EYS: variants seen among roughly 807,000 people sequenced by gnomAD.
EYS encodes the protein protein eyes shut homolog.
Under a neutral mutation model 282.1 loss-of-function variants are expected in EYS, and 250 were observed. The ratio of observed to expected loss-of-function variants is 0.89; its 90% CI spans 0.80 to 0.98. The LOEUF (loss-of-function observed/expected upper bound fraction) is 0.98, where lower values mean the gene tolerates loss of function less well. Ranked by LOEUF, EYS falls within the 50% of genes least tolerant of loss-of-function variation. EYS has a pLI of 0.00. For missense variants in EYS, 4,016 were observed against 3,709.0 expected (o/e 1.08, Z -2.15); for synonymous variants, 1,355 against 1,282.9 (o/e 1.06, Z -1.20).
chr6:64,472,827 TC>T, intron 26 of EYS, among the ~76,000 whole-genome samples: 1 of 152,260 alleles, frequency 6.6e-6, no homozygotes, highest in African/African-American at 2.4e-5. Context: ...TGTAATGACA[TC>T]CTTTAATAAT....
intron 12 of EYS, among the ~76,000 whole-genome samples, chr6:65,177,985 G>A (rs1446165194): frequency 5.9e-5 from 9 of 151,764 alleles, no homozygotes; most frequent in Admixed American, 5.9e-4. Flanking sequence ...ACTTTTGTGG[G>A]GCACTAAGGA....
intron 19 of EYS, among the ~76,000 whole-genome samples, chr6:64,828,876 G>T (rs571787828): frequency 2.6e-5 from 4 of 151,948 alleles, no homozygotes; most frequent in Non-Finnish European, 5.9e-5. Context: ...TTCATGGATG[G>T]GTTGACTTGG....
chr6:64,528,853 T>C (rs1329112224), intron 26 of EYS, among the ~76,000 whole-genome samples: 1 of 152,054 alleles, frequency 6.6e-6, no homozygotes, highest in Non-Finnish European at 1.5e-5. Flanking sequence ...GTGAAAATCT[T>C]ACAACGCTGC....
intron 16 of EYS, among the ~76,000 whole-genome samples, chr6:64,906,696 T>A (rs1291734861): frequency 1.3e-5 from 2 of 152,204 alleles, no homozygotes; most frequent in Admixed American, 6.5e-5. Flanking sequence ...GAGGCATCTT[T>A]GCCACATTTT....
chr6:63,816,539 G>A (rs1298181306), intron 36 of EYS, among the ~76,000 whole-genome samples: 2 of 152,172 alleles, frequency 1.3e-5, no homozygotes, highest in African/African-American at 4.8e-5. Flanking sequence ...AGGAACATAG[G>A]TAGCTCAAAT....
At chr6:64,265,901 A>G (rs1767741913) in intron 30 of EYS, among the ~76,000 whole-genome samples, 1 of 152,116 alleles carries the variant, frequency 6.6e-6, no homozygotes, top group Non-Finnish European at 1.5e-5. Flanking sequence ...TTATGACCAT[A>G]TCTTTGCTCT....
chr6:64,082,701 C>G (rs186364496), intron 31 of EYS, among the ~76,000 whole-genome samples: 15 of 151,964 alleles, frequency 9.9e-5, no homozygotes, highest in African/African-American at 3.6e-4. Flanking sequence ...CTATAATATG[C>G]AAGGTTATTA....
intron 21 of EYS, among the ~76,000 whole-genome samples, chr6:64,816,690 G>A (rs549723736): frequency 1.3e-5 from 2 of 152,146 alleles, no homozygotes; most frequent in South Asian, 4.1e-4. Context: ...GAACAAATAC[G>A]TAGGAAAATA....
chr6:64,622,664 A>T (rs575841983), intron 23 of EYS, among the ~76,000 whole-genome samples: 1 of 152,280 alleles, frequency 6.6e-6, no homozygotes, highest in South Asian at 2.1e-4. Context: ...GAGTATTTTG[A>T]TAATTAGCAA....
intron 31 of EYS, among the ~76,000 whole-genome samples, chr6:64,217,504 G>A (rs901480169): frequency 1.1e-4 from 16 of 151,932 alleles, no homozygotes; most frequent in African/African-American, 3.4e-4. Flanking sequence ...ACTGCAGCCC[G>A]AGTGACAGAG....
intron 31 of EYS, among the ~76,000 whole-genome samples, chr6:64,117,849 CA>C (rs1773442367): frequency 6.6e-6 from 1 of 151,918 alleles, no homozygotes; most frequent in Non-Finnish European, 1.5e-5. Context: ...ATGATAAATG[CA>C]GTAAAGTTTT....
intron 1 of EYS, among the ~76,000 whole-genome samples, chr6:65,699,564 G>A (rs1034795437): frequency 6.6e-6 from 1 of 152,162 alleles, no homozygotes; most frequent in African/African-American, 2.4e-5. Context: ...AACATGTATA[G>A]TAGCTGCAGA....
intron 35 of EYS, among the ~76,000 whole-genome samples, chr6:63,915,017 C>A (rs1054248316): frequency 1.3e-5 from 2 of 152,134 alleles, no homozygotes; most frequent in African/African-American, 4.8e-5. Context: ...GAAAATCTAG[C>A]TAATATTATT....
chr6:64,077,734 T>C (rs1771821233), intron 32 of EYS, among the ~76,000 whole-genome samples: 1 of 152,140 alleles, frequency 6.6e-6, no homozygotes, highest in African/African-American at 2.4e-5. Flanking sequence ...CATGGTAATA[T>C]ATCCCATGAC....
chr6:64,177,026 T>C (rs1393373779), intron 31 of EYS, among the ~76,000 whole-genome samples: 1 of 151,902 alleles, frequency 6.6e-6, no homozygotes, highest in Non-Finnish European at 1.5e-5. Flanking sequence ...AATGATATTT[T>C]AATTGAAAAC....
At chr6:65,075,279 A>G (rs958521425) in intron 12 of EYS, among the ~76,000 whole-genome samples, 1 of 151,998 alleles carries the variant, frequency 6.6e-6, no homozygotes, top group Non-Finnish European at 1.5e-5. Flanking sequence ...CATTTCACAA[A>G]ACACTGCCTA....
intron 12 of EYS, among the ~76,000 whole-genome samples, chr6:65,222,881 TTGTC>T (rs2150260667): frequency 6.6e-6 from 1 of 152,192 alleles, no homozygotes; most frequent in East Asian, 1.9e-4. Flanking sequence ...AACGGTCAGT[TTGTC>T]TGGATAACAA....
rs540704026 is a variant in EYS, at chr6:64,136,368, T to A, written c.6425-54366A>T. Among the ~76,000 whole-genome samples, 6 of 152,246 alleles carry A rather than the reference T, an allele frequency of 3.9e-5. No homozygotes were observed. The East Asian group carries it at 1.2e-3, about 29-fold the overall frequency. On this transcript the variant is annotated intron_variant, in intron 31 of 42. Transcript: ENST00000503581. ...GAATCAATTTCTTCTAAACTCCTGT[T>A]AATGTTGATATTTTGACCCCTTCCC... is the stretch of plus-strand genomic sequence containing the variant.
At chr6:65,351,612 AG>A (rs1264592931) in intron 9 of EYS, among the ~76,000 whole-genome samples, 1 of 151,768 alleles carries the variant, frequency 6.6e-6, no homozygotes, top group African/African-American at 2.4e-5. Flanking sequence ...AGTTCTCAAA[AG>A]AAGTTTAATA....
Sources: allele counts gnomAD v4.1 joint callset (sites outside exome capture counted in the v4.1 genomes callset), GRCh38; gene constraint gnomAD v4.1.1; transcripts MANE v1.5; gene names NCBI Gene and HGNC (gene_info 2026-07-23, HGNC 2026-07-21).